The following AEBP2 variants were observed in gnomAD, a reference collection of about 807,000 sequenced individuals.
AEBP2 encodes AE binding protein 2.
A neutral mutation model predicts 50.8 loss-of-function variants in AEBP2; 10 were observed. The ratio of observed to expected loss-of-function variants is 0.20; its 90% CI spans 0.12 to 0.33. AEBP2 has a LOEUF of 0.33. Ranked by LOEUF, AEBP2 falls within the 10% of genes least tolerant of loss-of-function variation. AEBP2 has a pLI of 1.00. For synonymous variants in AEBP2, 296 were observed against 261.3 expected (o/e 1.13, Z -1.28); for missense variants, 570 against 688.0 (o/e 0.83, Z 1.92).
chr12:19,462,698 T>C lies in AEBP2; in HGVS notation c.860T>C (p.Val287Ala), dbSNP rs1202856107. Residue 287 changes from valine (V) to alanine (A), a missense_variant, in exon 2 of 8, where the codon GTA (valine) becomes GCA (alanine). Val to Ala is a moderately conservative substitution (Grantham distance 64). Transcript: ENST00000266508. ...DLADHIRSIH[V>A]DGQRGGVFVC... ...GCAGATCACATCCGTTCCATACATG[T>C]AGATGGTCAGCGAGGAGGGGTTGGT... 1 of 1,607,770 alleles carries C rather than the reference T, an allele frequency of 6.2e-7. No individual in the cohort carries two copies. The highest frequency in any genetic ancestry group is 8.5e-7 in the Non-Finnish European group (1 of 1,175,422).
chr12:19,493,063 G>A (rs1308921921), intron 3 of AEBP2, among the ~76,000 whole-genome samples: 1 of 152,146 alleles, frequency 6.6e-6, no homozygotes, highest in Non-Finnish European at 1.5e-5. Context: ...GTAACACTAG[G>A]AAGTCTGCTG....
intron 2 of AEBP2, among the ~76,000 whole-genome samples, chr12:19,463,717 A>G (rs1303473795): frequency 8.7e-6 from 1 of 115,536 alleles, no homozygotes; most frequent in African/African-American, 3.4e-5. Flanking sequence ...TCTGTTGCCC[A>G]GGCTGGAGTG....
chr12:19,492,253 G>A (rs886808576), intron 3 of AEBP2, among the ~76,000 whole-genome samples: 14 of 152,064 alleles, frequency 9.2e-5, no homozygotes, highest in South Asian at 2.1e-4. Context: ...TAATTACCAC[G>A]ATTCATTTGT....
At chr12:19,472,248 A>G (rs899631943) in intron 2 of AEBP2, among the ~76,000 whole-genome samples, 6 of 152,194 alleles carry the variant, frequency 3.9e-5, no homozygotes, top group Admixed American at 1.3e-4. Flanking sequence ...TGTATGTAGT[A>G]TATTACAGTC....
At chr12:19,464,276 G>T (rs1171267180) in intron 2 of AEBP2, among the ~76,000 whole-genome samples, 2 of 152,116 alleles carry the variant, frequency 1.3e-5, no homozygotes, top group Non-Finnish European at 2.9e-5. Flanking sequence ...TGGTTTTCTG[G>T]CTTTTGTAGA....
rs565656773 is a variant in AEBP2, at chr12:19,450,135, G to T, written c.671+9765G>T. ...ATCAGGTAGCCTTACAGAATCTGATGTGTCTAAATTCCTTAATCCTGTTTA... is the reference window on the plus strand; with the variant it reads ...ATCAGGTAGCCTTACAGAATCTGATTTGTCTAAATTCCTTAATCCTGTTTA... On this transcript the variant is annotated intron_variant, in intron 1 of 7. Transcript: ENST00000266508. 2.6e-5 allele frequency among the ~76,000 whole-genome samples: 4 copies of T among 152,218 alleles called. No homozygotes were observed. The East Asian group carries it at 7.7e-4, about 29-fold the overall frequency.
At chr12:19,510,804 T>G (rs1949221562) in intron 5 of AEBP2, among the ~76,000 whole-genome samples, 1 of 152,052 alleles carries the variant, frequency 6.6e-6, no homozygotes, top group African/African-American at 2.4e-5. Flanking sequence ...TGAGACATGT[T>G]ACAGTTTTTG....
chr12:19,478,065 A>G (rs1948676152), intron 3 of AEBP2, among the ~76,000 whole-genome samples: 1 of 152,092 alleles, frequency 6.6e-6, no homozygotes, highest in African/African-American at 2.4e-5. Flanking sequence ...GCTTATTTAG[A>G]TATCGTTCTT....
At chr12:19,497,879 A>T (rs965177652) in intron 4 of AEBP2, among the ~76,000 whole-genome samples, 14 of 152,258 alleles carry the variant, frequency 9.2e-5, no homozygotes, top group Non-Finnish European at 1.5e-5. Context: ...ACTACTGCAC[A>T]TTATACAAAA....
intron 2 of AEBP2, among the ~76,000 whole-genome samples, chr12:19,467,831 T>C (rs1473038087): frequency 6.6e-6 from 1 of 152,206 alleles, no homozygotes; most frequent in Non-Finnish European, 1.5e-5. Flanking sequence ...ATTTATTTTC[T>C]GTGTCATTTG....
intron 5 of AEBP2, among the ~76,000 whole-genome samples, chr12:19,508,021 A>G (rs1949176780): frequency 6.6e-6 from 1 of 152,164 alleles, no homozygotes; most frequent in South Asian, 2.1e-4. Context: ...CTTCTCCAGA[A>G]GAGGTCAGCA....
At chr12:19,406,350 A>T (rs1030719163) in intron 1 of AEBP2, among the ~76,000 whole-genome samples, 7 of 152,206 alleles carry the variant, frequency 4.6e-5, no homozygotes, top group African/African-American at 1.4e-4. Flanking sequence ...GTTTACAAAA[A>T]TGTATAATGA....
chr12:19,431,801 T>A (rs1353532953), intron 1 of AEBP2, among the ~76,000 whole-genome samples: 1 of 152,222 alleles, frequency 6.6e-6, no homozygotes, highest in Non-Finnish European at 1.5e-5. Flanking sequence ...TATGCATACT[T>A]TCTTTAAAGT....
At chr12:19,435,078 T>C (rs2095753480), upstream of AEBP2, among the ~76,000 whole-genome samples, 1 of 152,064 alleles carries the variant, frequency 6.6e-6, no homozygotes, top group Non-Finnish European at 1.5e-5. Context: ...ATGTACAATA[T>C]AATCTAATCA....
chr12:19,407,625 G>T (rs1485192912), intron 1 of AEBP2, among the ~76,000 whole-genome samples: 1 of 152,014 alleles, frequency 6.6e-6, no homozygotes, highest in Admixed American at 6.6e-5. Context: ...TCTTTTTAGA[G>T]ACAGGGTCTT....
At chr12:19,506,535 C>T (rs763648177) in intron 5 of AEBP2, among the ~76,000 whole-genome samples, 18 of 152,176 alleles carry the variant, frequency 1.2e-4, no homozygotes, top group Non-Finnish European at 2.4e-4. Context: ...AGGCAAGCAC[C>T]ACCACAGTTA....
chr12:19,506,320 G>A (rs1160727850), intron 5 of AEBP2, among the ~76,000 whole-genome samples: 3 of 152,124 alleles, frequency 2.0e-5, no homozygotes, highest in Admixed American at 6.5e-5. Flanking sequence ...GGCTGGTCTC[G>A]AACTCCTGAA....
intron 1 of AEBP2, among the ~76,000 whole-genome samples, chr12:19,443,190 GGGTT>G (rs200770396): frequency 0.022 from 3,400 of 151,578 alleles, 48 homozygotes; most frequent in East Asian, 0.042. Context: ...TCTGCCTTGT[GGGTT>G]CAAGCGATTC....
At chr12:19,405,566 C>T (rs2095735751) in intron 1 of AEBP2, among the ~76,000 whole-genome samples, 1 of 150,788 alleles carries the variant, frequency 6.6e-6, no homozygotes, top group Non-Finnish European at 1.5e-5. Context: ...CCTCGTGATC[C>T]GCCCACCTCA....
Sources: gnomAD v4.1 joint callset for allele counts (sites outside exome capture counted in the v4.1 genomes callset) on GRCh38, gnomAD v4.1.1 for gene constraint, MANE v1.5 for transcripts, NCBI Gene and HGNC (gene_info 2026-07-23, HGNC 2026-07-21) for gene names.